The following STK3 variants were observed in gnomAD, a reference collection of about 807,000 sequenced individuals.
STK3 encodes the protein serine/threonine-protein kinase 3.
In STK3, 41 loss-of-function variants were observed where a neutral mutation model predicts 58.0. The observed-to-expected ratio is 0.71, with a 90% CI of 0.55 to 0.92. The LOEUF (loss-of-function observed/expected upper bound fraction) is 0.92, where lower values mean the gene tolerates loss of function less well. Ranked by LOEUF, STK3 falls within the 40% of genes least tolerant of loss-of-function variation. The pLI, the probability that STK3 is intolerant of heterozygous loss-of-function variation, is 0.00. For synonymous variants in STK3, 170 were observed against 191.0 expected, an observed-to-expected ratio of 0.89 and a Z score of 0.91; for missense variants, 479 against 602.7, an observed-to-expected ratio of 0.79 and a Z score of 2.15.
chr8:98,574,482 G>C (rs143893458), intron 8 of STK3, among the ~76,000 whole-genome samples: 90 of 152,238 alleles, frequency 5.9e-4, no homozygotes, highest in African/African-American at 2.1e-3. Flanking sequence ...TTCCTCAACA[G>C]GGCTTCTAAG....
At chr8:98,473,600 T>A (rs1024751629) in intron 10 of STK3, among the ~76,000 whole-genome samples, 1 of 152,172 alleles carries the variant, frequency 6.6e-6, no homozygotes, top group African/African-American at 2.4e-5. Context: ...GATCCCCTAA[T>A]GCTCTCCAAA....
intron 1 of STK3, among the ~76,000 whole-genome samples, chr8:98,383,603 A>G (rs1454518855): frequency 6.6e-6 from 1 of 152,214 alleles, no homozygotes; most frequent in East Asian, 1.9e-4. Context: ...TTAAAAGTAA[A>G]AGCAAAGCAA....
At chr8:98,496,226 T>C (rs1823124937) in intron 10 of STK3, among the ~76,000 whole-genome samples, 2 of 152,158 alleles carry the variant, frequency 1.3e-5, no homozygotes, top group South Asian at 4.1e-4. Context: ...TGTAAAACTA[T>C]CTCAATTTAT....
At chr8:98,919,659 A>G (rs541883512) in intron 1 of STK3, among the ~76,000 whole-genome samples, 2 of 152,366 alleles carry the variant, frequency 1.3e-5, no homozygotes, top group African/African-American at 4.8e-5. Context: ...ACTCTTAAGA[A>G]AAATAATAAT....
At chr8:98,806,585 G>A (rs1833897866) in intron 1 of STK3, among the ~76,000 whole-genome samples, 1 of 152,140 alleles carries the variant, frequency 6.6e-6, no homozygotes. Flanking sequence ...ACTCTAAGCT[G>A]TTAGTCCCTG....
intron 3 of STK3, among the ~76,000 whole-genome samples, chr8:98,854,957 T>C (rs1836614762): frequency 6.6e-6 from 1 of 152,194 alleles, no homozygotes; most frequent in African/African-American, 2.4e-5. Flanking sequence ...CTGGGGAGGC[T>C]GAGGCACAAG....
rs149798340 is a variant in STK3, at chr8:98,787,062, G to A, written c.27-12243C>T. 1.4e-4 allele frequency among the ~76,000 whole-genome samples: 21 copies of A among 150,544 alleles called. No homozygotes were observed. In the East Asian group the frequency reaches 2.0e-3, roughly 14 times the overall value. On this transcript the variant is annotated intron_variant, in intron 1 of 10. Coordinates refer to ENST00000419617, the MANE Select transcript of STK3 (RefSeq NM_006281.4). ...TGCATGCCTGTAGTCCCAGCTACTC[G>A]GGAGGCTGAGGCAGAAGAATCACTT...
chr8:98,503,082 C>T (rs1030806726), intron 10 of STK3, among the ~76,000 whole-genome samples: 5 of 152,072 alleles, frequency 3.3e-5, no homozygotes, highest in South Asian at 2.1e-4. Flanking sequence ...AATTTCAGAG[C>T]GTGTTATTGG....
chr8:98,758,905 G>A (rs1830454508), intron 3 of STK3, among the ~76,000 whole-genome samples: 1 of 152,178 alleles, frequency 6.6e-6, no homozygotes, highest in South Asian at 2.1e-4. Flanking sequence ...TCAAACTTTT[G>A]TTGCTTCCTC....
intron 10 of STK3, among the ~76,000 whole-genome samples, chr8:98,466,384 A>G (rs1249680042): frequency 6.6e-6 from 1 of 152,226 alleles, no homozygotes; most frequent in Non-Finnish European, 1.5e-5. Context: ...TTTCCTTGAC[A>G]TATCCCACAG....
At chr8:98,841,502 A>G (rs1835979567) in intron 3 of STK3, among the ~76,000 whole-genome samples, 1 of 151,704 alleles carries the variant, frequency 6.6e-6, no homozygotes, top group South Asian at 2.1e-4. Context: ...TAATTCTACC[A>G]TTTCACCTTA....
At chr8:98,713,423 A>T (rs1174360113) in intron 4 of STK3, among the ~76,000 whole-genome samples, 2 of 152,178 alleles carry the variant, frequency 1.3e-5, no homozygotes, top group African/African-American at 2.4e-5. Flanking sequence ...AATAGAAGCA[A>T]TAAAAAAATG....
intron 1 of STK3, among the ~76,000 whole-genome samples, chr8:98,784,038 C>T (rs781188300): frequency 1.3e-5 from 2 of 152,230 alleles, no homozygotes; most frequent in Non-Finnish European, 1.5e-5. Context: ...CACTTTTCCA[C>T]TGGAGATCTG....
chr8:98,417,113 G>T (rs935303237), intron 3 of STK3, among the ~76,000 whole-genome samples: 2 of 152,222 alleles, frequency 1.3e-5, no homozygotes, highest in African/African-American at 4.8e-5. Context: ...GAGTGCTGGG[G>T]AGGTGTTCAG....
At chr8:98,407,492 C>A (rs112291569) in intron 3 of STK3, among the ~76,000 whole-genome samples, 1 of 152,188 alleles carries the variant, frequency 6.6e-6, no homozygotes. Context: ...GGTGTGAGAA[C>A]CAGCTCGACT....
downstream of STK3, among the ~76,000 whole-genome samples, chr8:98,451,620 G>A (rs1819202651): frequency 6.6e-6 from 1 of 152,178 alleles, no homozygotes. Context: ...TTCCAAGATT[G>A]GTGGAAGAAT....
At chr8:98,403,033 CTG>C (rs1205249803) in intron 3 of STK3, among the ~76,000 whole-genome samples, 1 of 152,192 alleles carries the variant, frequency 6.6e-6, no homozygotes, top group Non-Finnish European at 1.5e-5. Context: ...GAAGTAAAAA[CTG>C]AGTTATCAGT....
intron 1 of STK3, among the ~76,000 whole-genome samples, chr8:98,903,556 C>CTTCTTT (rs200556218): frequency 2.0e-5 from 1 of 50,502 alleles, no homozygotes; most frequent in Non-Finnish European, 4.1e-5. Flanking sequence ...TCTTCTTCTT[C>CTTCTTT]CTTTTTTTTT....
intron 6 of STK3, among the ~76,000 whole-genome samples, chr8:98,654,114 A>G (rs1821243643): frequency 6.6e-6 from 1 of 152,214 alleles, no homozygotes; most frequent in Admixed American, 6.5e-5. Context: ...ATCCAGCAGC[A>G]CATCAAAAAG....
Sources: gnomAD v4.1 joint callset for allele counts (sites outside exome capture counted in the v4.1 genomes callset) on GRCh38, gnomAD v4.1.1 for gene constraint, MANE v1.5 for transcripts, NCBI Gene and HGNC (gene_info 2026-07-23, HGNC 2026-07-21) for gene names.